LRP1B: variants seen among roughly 807,000 people sequenced by gnomAD.
LRP1B encodes low-density lipoprotein receptor-related protein 1B.
A neutral mutation model predicts 556.6 loss-of-function variants in LRP1B; 217 were observed. The observed-to-expected ratio is 0.39, with a 90% confidence interval of 0.35 to 0.44. The LOEUF is 0.44. Among genes scored for constraint, LRP1B ranks in the 20% least tolerant of loss-of-function variants. The pLI is 1.00. For synonymous variants in LRP1B, 2,047 were observed against 1,865.8 expected, an observed-to-expected ratio of 1.10 and a Z score of -2.50; for missense variants, 5,053 against 5,620.8, an observed-to-expected ratio of 0.90 and a Z score of 3.23.
intron 2 of LRP1B, among the ~76,000 whole-genome samples, chr2:141,537,848 C>T (rs1685118843): frequency 6.6e-6 from 1 of 152,088 alleles, no homozygotes; most frequent in South Asian, 2.1e-4. Context: ...ATAGATAAGA[C>T]AGGCTTCATT....
chr2:141,984,826 G>A (rs1391819505), intron 1 of LRP1B, among the ~76,000 whole-genome samples: 1 of 152,102 alleles, frequency 6.6e-6, no homozygotes, highest in Non-Finnish European at 1.5e-5. Flanking sequence ...TCAGGGGAAT[G>A]TAGCCATAAA....
intron 56 of LRP1B, 127 bp downstream of exon 56, chr2:140,495,438 G>T: frequency 1.4e-6 from 1 of 714,248 alleles, no homozygotes; most frequent in Non-Finnish European, 2.2e-6. Flanking sequence ...TCATATCAAG[G>T]GAAGTAGAGA....
At chr2:140,829,821 A>C (rs532525088) in intron 31 of LRP1B, among the ~76,000 whole-genome samples, 2 of 152,154 alleles carry the variant, frequency 1.3e-5, no homozygotes, top group African/African-American at 4.8e-5. Context: ...ATAAAAGATA[A>C]ATGACATAAA....
chr2:141,720,751 AG>A (rs35603001), intron 2 of LRP1B, among the ~76,000 whole-genome samples: 8,948 of 152,164 alleles, frequency 0.059, 380 homozygotes, highest in African/African-American at 0.1. Flanking sequence ...TTGAAAAGAA[AG>A]GTCTACTAAA....
chr2:141,736,123 C>A lies in LRP1B; in HGVS notation c.205+74156G>T, dbSNP rs563955601. Among the ~76,000 whole-genome samples, 4 of 152,192 alleles carry A rather than the reference C, an allele frequency of 2.6e-5. No individual in the cohort carries two copies. In the East Asian group the frequency reaches 7.8e-4, roughly 30 times the overall value. ...CCCAGAAAGAATAGAGGCTAAGTGA[C>A]TTAAACGGCAGACCCTTGGAAACCC... On this transcript the variant is annotated intron_variant, in intron 2 of 90. Transcript: ENST00000389484.
chr2:141,993,446 TC>T (rs1457825966), intron 1 of LRP1B, among the ~76,000 whole-genome samples: 1 of 151,698 alleles, frequency 6.6e-6, no homozygotes, highest in African/African-American at 2.4e-5. Context: ...CCCTCCACCT[TC>T]CAATCTTCTA....
chr2:141,068,010 G>C (rs1017717502), intron 7 of LRP1B, among the ~76,000 whole-genome samples: 1 of 151,996 alleles, frequency 6.6e-6, no homozygotes, highest in Non-Finnish European at 1.5e-5. Context: ...GTGAATACAG[G>C]AGATTATTTG....
At chr2:140,427,720 C>T (rs184072795) in intron 66 of LRP1B, among the ~76,000 whole-genome samples, 1 of 152,002 alleles carries the variant, frequency 6.6e-6, no homozygotes, top group East Asian at 1.9e-4. Flanking sequence ...TTCCCCACCA[C>T]CTGTCCCCCT....
intron 2 of LRP1B, among the ~76,000 whole-genome samples, chr2:141,750,780 C>G (rs1161996957): frequency 6.6e-6 from 1 of 151,962 alleles, no homozygotes; most frequent in East Asian, 1.9e-4. Context: ...CTCCTTTTAT[C>G]TATATTCTTT....
intron 1 of LRP1B, among the ~76,000 whole-genome samples, chr2:141,993,598 T>C (rs1702404130): frequency 1.4e-5 from 2 of 142,896 alleles, no homozygotes; most frequent in Non-Finnish European, 3.2e-5. Flanking sequence ...GGATTTATTT[T>C]ATTATCCTAT....
chr2:141,677,273 G>A (rs1219846669), intron 2 of LRP1B, among the ~76,000 whole-genome samples: 1 of 152,026 alleles, frequency 6.6e-6, no homozygotes, highest in South Asian at 2.1e-4. Flanking sequence ...AGGAACCCAG[G>A]GTGGTTAGAG....
chr2:141,377,815 G>T (rs1689493565), intron 3 of LRP1B, among the ~76,000 whole-genome samples: 1 of 152,014 alleles, frequency 6.6e-6, no homozygotes, highest in Admixed American at 6.6e-5. Context: ...TTACCAACTG[G>T]CTTGTAAGAG....
chr2:140,582,669 T>C (rs1467647368), intron 43 of LRP1B, among the ~76,000 whole-genome samples: 1 of 152,134 alleles, frequency 6.6e-6, no homozygotes, highest in East Asian at 1.9e-4. Flanking sequence ...GCACCGTCTA[T>C]GAGAGGCAGG....
chr2:141,631,667 G>A (rs1688914452), intron 2 of LRP1B, among the ~76,000 whole-genome samples: 1 of 151,884 alleles, frequency 6.6e-6, no homozygotes, highest in South Asian at 2.1e-4. Context: ...ACTTTGTAAG[G>A]ACCAATCCGT....
chr2:141,480,921 C>T (rs9287318), intron 2 of LRP1B, among the ~76,000 whole-genome samples: 11 of 151,846 alleles, frequency 7.2e-5, no homozygotes, highest in African/African-American at 1.9e-4. Context: ...AATGGTTCTC[C>T]GCAGATCTCT....
rs112811185 is a variant in LRP1B at position 141,808,249 on chromosome 2, A to T, written c.205+2030T>A. On this transcript the variant is annotated intron_variant, in intron 2 of 90. Coordinates refer to ENST00000389484, the MANE Select transcript of LRP1B (RefSeq NM_018557.3). ...GGCTTTCCTGCATATGAATTCTGCA[A>T]ATCTGTGTCATGTCCTTGTTATTTT... 1.8e-3 allele frequency among the ~76,000 whole-genome samples: 274 copies of T among 152,180 alleles called. 2 individuals are homozygous for T. The highest frequency in any genetic ancestry group is 6.0e-3 in the African/African-American group (249 of 41,542).
At chr2:141,483,731 T>C (rs1315979506) in intron 2 of LRP1B, among the ~76,000 whole-genome samples, 2 of 152,114 alleles carry the variant, frequency 1.3e-5, no homozygotes, top group African/African-American at 4.8e-5. Context: ...GAGCGTTTTT[T>C]CATGTGTTTT....
At chr2:140,626,489 TTTTA>T (rs1229402078) in intron 41 of LRP1B, among the ~76,000 whole-genome samples, 1 of 152,142 alleles carries the variant, frequency 6.6e-6, no homozygotes, top group African/African-American at 2.4e-5. Context: ...TTTCTGTACT[TTTTA>T]TTTACTCAAT....
At chr2:141,320,995 T>C (rs1291673921) in intron 3 of LRP1B, among the ~76,000 whole-genome samples, 1 of 152,120 alleles carries the variant, frequency 6.6e-6, no homozygotes, top group African/African-American at 2.4e-5. Context: ...TAACAAAATA[T>C]TTTTAATCAT....
Sources: gnomAD v4.1 joint callset for allele counts (sites outside exome capture counted in the v4.1 genomes callset) on GRCh38, gnomAD v4.1.1 for gene constraint, MANE v1.5 for transcripts, NCBI Gene and HGNC (gene_info 2026-07-23, HGNC 2026-07-21) for gene names.